Variants in MTUS1 observed in about 807,000 individuals in gnomAD.
MTUS1 encodes microtubule associated scaffold protein 1.
In MTUS1, 109 loss-of-function variants were observed where a neutral mutation model predicts 120.8. The observed-to-expected ratio is 0.90, with a 90% confidence interval of 0.77 to 1.06. The LOEUF is 1.06. MTUS1 is among the 50% of genes least tolerant of loss of function. The pLI is 0.00. For missense variants in MTUS1, 2,210 were observed against 1,486.3 expected, an observed-to-expected ratio of 1.49 and a Z score of -8.01; for synonymous variants, 737 against 550.5, an observed-to-expected ratio of 1.34 and a Z score of -4.74.
intron 1 of MTUS1, among the ~76,000 whole-genome samples, chr8:17,759,643 TA>T (rs36066646): frequency 0.21 from 31,437 of 147,296 alleles, 3,855 homozygotes; most frequent in South Asian, 0.5. Flanking sequence ...TATTTATATA[TA>T]AAAATACGTA....
At chr8:17,760,096 G>C (rs2048925023) in intron 1 of MTUS1, among the ~76,000 whole-genome samples, 1 of 144,412 alleles carries the variant, frequency 6.9e-6, no homozygotes, top group South Asian at 2.2e-4. Context: ...CATGCCTGTA[G>C]TCCCAGCTGC....
At chr8:17,790,992 G>T (rs967090793) in intron 1 of MTUS1, among the ~76,000 whole-genome samples, 1 of 151,910 alleles carries the variant, frequency 6.6e-6, no homozygotes, top group African/African-American at 2.4e-5. Flanking sequence ...GTGGGGGCGG[G>T]GAGAAGTTTT....
intron 6 of MTUS1, among the ~76,000 whole-genome samples, chr8:17,687,876 T>C (rs1816154731): frequency 6.6e-6 from 1 of 152,174 alleles, no homozygotes; most frequent in African/African-American, 2.4e-5. Context: ...TTAAAGAAAG[T>C]AGTTGGTTAA....
chr8:17,684,633 C>A (rs986494048), intron 6 of MTUS1, 91 bp from the exon 7 acceptor site: 18 of 988,516 alleles, frequency 1.8e-5, no homozygotes, highest in Non-Finnish European at 2.4e-5. Context: ...AGATAAGCCA[C>A]AGAAATCCAT....
intron 2 of MTUS1, 111 bp from the exon 3 acceptor site, chr8:17,743,910 C>A: frequency 3.4e-6 from 3 of 880,702 alleles, no homozygotes; most frequent in Non-Finnish European, 5.2e-6. Flanking sequence ...ACCTAAAAAA[C>A]AAGTTCAGGC....
intron 6 of MTUS1, chr8:17,691,970 T>G (rs763827772): frequency 1.3e-5 from 2 of 152,132 alleles, no homozygotes; most frequent in Non-Finnish European, 2.9e-5. Flanking sequence ...AAGACTTACG[T>G]CCAAACGACA....
At chr8:17,728,744 T>C (rs2046373324) in intron 3 of MTUS1, among the ~76,000 whole-genome samples, 1 of 151,614 alleles carries the variant, frequency 6.6e-6, no homozygotes, top group African/African-American at 2.4e-5. Flanking sequence ...ATTTTAGACC[T>C]TAAATGTTAG....
intron 1 of MTUS1, among the ~76,000 whole-genome samples, chr8:17,776,943 G>A (rs182770008): frequency 2.0e-5 from 3 of 152,068 alleles, no homozygotes; most frequent in Non-Finnish European, 2.9e-5. Context: ...TTCAACAGCT[G>A]TAAGACTTGA....
At chr8:17,701,852 A>C (rs1819164716) in intron 6 of MTUS1, among the ~76,000 whole-genome samples, 1 of 151,704 alleles carries the variant, frequency 6.6e-6, no homozygotes, top group African/African-American at 2.4e-5. Context: ...CCCGGCCAGA[A>C]TTTTCTTTTC....
At chr8:17,774,457 G>GA (rs2050256994) in intron 1 of MTUS1, among the ~76,000 whole-genome samples, 1 of 152,190 alleles carries the variant, frequency 6.6e-6, no homozygotes, top group African/African-American at 2.4e-5. Context: ...TGAAGAAAAG[G>GA]AAGCGGAGGT....
intron 4 of MTUS1, among the ~76,000 whole-genome samples, chr8:17,720,452 G>C (rs761216920): frequency 9.9e-5 from 15 of 152,042 alleles, no homozygotes; most frequent in Non-Finnish European, 2.1e-4. Context: ...TGAAGGTGAA[G>C]GGAAAGAACA....
intron 5 of MTUS1, among the ~76,000 whole-genome samples, chr8:17,714,202 C>T (rs1243567221): frequency 6.6e-6 from 1 of 152,160 alleles, no homozygotes; most frequent in Non-Finnish European, 1.5e-5. Flanking sequence ...CAACCTGCTG[C>T]ACACTGAAGA....
chr8:17,760,745 T>C (rs1436874517), intron 1 of MTUS1, among the ~76,000 whole-genome samples: 2 of 149,270 alleles, frequency 1.3e-5, no homozygotes, highest in Non-Finnish European at 3.0e-5. Flanking sequence ...ATCTTAGAAA[T>C]ATTTTGATTA....
At chr8:17,719,114 G>A (rs1822906347) in intron 4 of MTUS1, among the ~76,000 whole-genome samples, 1 of 151,922 alleles carries the variant, frequency 6.6e-6, no homozygotes, top group African/African-American at 2.4e-5. Context: ...AGGTTGCAGT[G>A]AGCCGAGATC....
At chr8:17,668,406 G>A (rs1811345312) in intron 8 of MTUS1, among the ~76,000 whole-genome samples, 1 of 152,106 alleles carries the variant, frequency 6.6e-6, no homozygotes, top group Non-Finnish European at 1.5e-5. Flanking sequence ...CATAATCATG[G>A]CCCTCTATTG....
intron 1 of MTUS1, among the ~76,000 whole-genome samples, chr8:17,799,613 GGTTA>G (rs1019411834): frequency 1.1e-4 from 17 of 151,886 alleles, no homozygotes; most frequent in Non-Finnish European, 1.3e-4. Flanking sequence ...AATAACTGCA[GGTTA>G]GTTTCCAAAA....
chr8:17,753,616 G>A lies in MTUS1; in HGVS notation c.2091+101C>T, dbSNP rs552887646. 6.2e-5 allele frequency: 48 copies of A among 768,678 alleles called. 1 individual carries two copies. The South Asian group carries it at 1.0e-3, about 16-fold the overall frequency. 47.6% of individuals were successfully genotyped at this position (768,678 alleles called of 1,614,324 possible). ...AACTAAATGTAAATCTGCCCACCTGGTTCTGCAATATTATTGACTAATAGA... is the reference window on the plus strand; with the variant it reads ...AACTAAATGTAAATCTGCCCACCTGATTCTGCAATATTATTGACTAATAGA... On this transcript the variant is annotated intron_variant, in intron 2 of 14. Coordinates refer to ENST00000693296, the MANE Select transcript of MTUS1 (RefSeq NM_001363059.2).
In MTUS1 at chr8:17,653,257, C is replaced by G. The variant is rs61733705; in HGVS notation, c.3313G>C (p.Glu1105Gln). The G allele has an allele frequency of 7.6e-3, 11,895 of 1,557,832 alleles. 62 individuals are homozygous for G. Among genetic ancestry groups the G allele is most frequent in the Middle Eastern group, 0.021 (127 of 5,952 alleles). ...LEKQINDLKS[E>Q]NDALNEKLKS... is the part of the protein sequence containing the mutation. ...AATTTTTCATTTAAAGCATCATTTTCACTCTTCAGATCATTGATTTGCTTC... is the reference window on the plus strand; with the variant it reads ...AATTTTTCATTTAAAGCATCATTTTGACTCTTCAGATCATTGATTTGCTTC... The change falls in exon 12 of 15, where the codon GAA (glutamate) becomes CAA (glutamine). Residue 1105 changes from glutamate to glutamine, a missense_variant. Glu to Gln is a conservative substitution (Grantham distance 29). Transcript: ENST00000693296.
intron 1 of MTUS1, among the ~76,000 whole-genome samples, chr8:17,756,665 G>C (rs2048634894): frequency 2.2e-5 from 1 of 45,396 alleles, no homozygotes; most frequent in Non-Finnish European, 5.2e-5. Flanking sequence ...CATATGTCAA[G>C]CCCAAACCCC....
Sources: allele counts gnomAD v4.1 joint callset (sites outside exome capture counted in the v4.1 genomes callset), GRCh38; gene constraint gnomAD v4.1.1; transcripts MANE v1.5; gene names NCBI Gene and HGNC (gene_info 2026-07-23, HGNC 2026-07-21).